The following CCNJL variants were observed in gnomAD, a reference collection of about 807,000 sequenced individuals.
The protein encoded by CCNJL is cyclin-J-like protein.
In CCNJL, 33 loss-of-function variants were observed where a neutral mutation model predicts 33.4. That is an observed-to-expected ratio of 0.99 (90% CI 0.75 to 1.32). CCNJL has a LOEUF of 1.32. Among genes scored for constraint, CCNJL ranks in the 40% most tolerant of loss-of-function variants. The pLI is 0.00. For synonymous variants in CCNJL, 227 were observed against 220.9 expected, an observed-to-expected ratio of 1.03 and a Z score of -0.24; for missense variants, 512 against 499.7, an observed-to-expected ratio of 1.02 and a Z score of -0.23.
chr5:160,317,306 T>C (rs545292190), upstream of CCNJL, among the ~76,000 whole-genome samples: 1 of 152,286 alleles, frequency 6.6e-6, no homozygotes, highest in East Asian at 1.9e-4. Flanking sequence ...GCCTAGGACA[T>C]TCATAAAGCT....
In CCNJL at chr5:160,321,729, C is replaced by T. The variant is rs111598199; in HGVS notation, n.207-6224G>A. ...GGCAGAGGCAGGTAGATCAGTAGTTCAAGACCAGCCTTGCCAACATGGTGA... is the reference window on the plus strand; with the variant it reads ...GGCAGAGGCAGGTAGATCAGTAGTTTAAGACCAGCCTTGCCAACATGGTGA... On this transcript the variant is annotated intron_variant and non_coding_transcript_variant, in intron 1 of 7. Coordinates refer to the CCNJL transcript ENST00000377503. 3.9e-3 allele frequency among the ~76,000 whole-genome samples: 601 copies of T among 152,254 alleles called. 4 individuals carry two copies. The highest frequency in any genetic ancestry group is 0.014 in the African/African-American group (573 of 41,524).
chr5:160,312,044 C>G, intron 1 of CCNJL, 72 bp from the exon 2 acceptor site: 1 of 975,250 alleles, frequency 1.0e-6, no homozygotes, highest in South Asian at 1.4e-5. Flanking sequence ...CCTATCCTCT[C>G]TCGCCCCTGG....
intron 5 of CCNJL, 75 bp from the exon 6 acceptor site, chr5:160,253,873 G>T: frequency 8.3e-7 from 1 of 1,208,330 alleles, no homozygotes; most frequent in Non-Finnish European, 1.1e-6. Context: ...TACCTGTCTT[G>T]CTAAGTGGGA....
At chr5:160,278,754 C>G (rs140728627) in intron 3 of CCNJL, among the ~76,000 whole-genome samples, 3 of 152,192 alleles carry the variant, frequency 2.0e-5, no homozygotes, top group Non-Finnish European at 2.9e-5. Context: ...CTGCCCCCAG[C>G]GGGCCGCGAT....
chr5:160,302,213 T>C (rs1156979375), intron 2 of CCNJL, among the ~76,000 whole-genome samples: 1 of 152,208 alleles, frequency 6.6e-6, no homozygotes, highest in Non-Finnish European at 1.5e-5. Context: ...AGTGAAATCA[T>C]GATGTATCCA....
intron 2 of CCNJL, among the ~76,000 whole-genome samples, chr5:160,308,760 AAACC>A (rs1763172970): frequency 6.6e-6 from 1 of 152,262 alleles, no homozygotes; most frequent in Non-Finnish European, 1.5e-5. Flanking sequence ...CGTCTCAAAG[AAACC>A]AACCAACCAA....
chr5:160,288,326 C>T lies in CCNJL; in HGVS notation c.67-7588G>A, dbSNP rs1317021292. ...AGTTACTATGTTTTCAGTTTGGAAA[C>T]AAACAAAAAGACTAGATACCCACTG... is the stretch of plus-strand genomic sequence containing the variant. On this transcript the variant is annotated intron_variant, in intron 2 of 5. Transcript: ENST00000257536. Among the ~76,000 whole-genome samples the T allele has an allele frequency of 2.0e-5, 3 of 152,024 alleles. No homozygotes were observed. The East Asian group carries it at 5.8e-4, about 29-fold the overall frequency.
intron 3 of CCNJL, among the ~76,000 whole-genome samples, chr5:160,260,750 A>G (rs1761291519): frequency 1.3e-5 from 2 of 152,068 alleles, no homozygotes; most frequent in African/African-American, 4.8e-5. Context: ...GTTCTTGCCT[A>G]TAAGCCTTCA....
intron 2 of CCNJL, among the ~76,000 whole-genome samples, chr5:160,303,405 C>T (rs1347865034): frequency 6.6e-6 from 1 of 151,978 alleles, no homozygotes; most frequent in Non-Finnish European, 1.5e-5. Context: ...AGGGTTTCTC[C>T]ACGTTGGCCA....
intron 2 of CCNJL, among the ~76,000 whole-genome samples, chr5:160,305,620 T>C (rs1404666469): frequency 6.6e-6 from 1 of 152,242 alleles, no homozygotes; most frequent in Non-Finnish European, 1.5e-5. Context: ...GTGTCATGGA[T>C]GACAGAACCT....
intron 2 of CCNJL, chr5:160,280,976 T>C (rs188778394): frequency 1.6e-6 from 1 of 615,980 alleles, no homozygotes; most frequent in East Asian, 2.9e-5. Flanking sequence ...AAGCCAGTCA[T>C]TCCTTCCCAT....
At chr5:160,270,668 G>A (rs1014007890) in intron 3 of CCNJL, among the ~76,000 whole-genome samples, 9 of 152,186 alleles carry the variant, frequency 5.9e-5, no homozygotes, top group Non-Finnish European at 1.0e-4. Flanking sequence ...CGCAGGTTCC[G>A]ATTATAGAAA....
chr5:160,254,178 T>C, intron 5 of CCNJL: 1 of 482,696 alleles, frequency 2.1e-6, no homozygotes, highest in Non-Finnish European at 3.6e-6. Flanking sequence ...TGCCTTCCCA[T>C]CCCCTGGCAC....
At chr5:160,287,503 C>T (rs560600425) in intron 2 of CCNJL, among the ~76,000 whole-genome samples, 2 of 152,336 alleles carry the variant, frequency 1.3e-5, no homozygotes, top group Non-Finnish European at 2.9e-5. Flanking sequence ...CATGCCTATC[C>T]TGTTTAGTTT....
intron 3 of CCNJL, among the ~76,000 whole-genome samples, chr5:160,274,225 G>A (rs1169115793): frequency 6.6e-6 from 1 of 151,984 alleles, no homozygotes; most frequent in Admixed American, 6.6e-5. Flanking sequence ...TTGGGAGGCC[G>A]AGGCAGGCAG....
intron 2 of CCNJL, among the ~76,000 whole-genome samples, chr5:160,290,480 C>G (rs193184312): frequency 6.6e-6 from 1 of 152,158 alleles, no homozygotes; most frequent in African/African-American, 2.4e-5. Context: ...GTTGGCCAGG[C>G]TGGTCTCGAA....
At chr5:160,321,749 T>C (rs1763468048) in intron 1 of CCNJL, among the ~76,000 whole-genome samples, 1 of 152,142 alleles carries the variant, frequency 6.6e-6, no homozygotes, top group Admixed American at 6.5e-5. Context: ...CTTGCCAACA[T>C]GGTGAAACCC....
intron 1 of CCNJL, among the ~76,000 whole-genome samples, chr5:160,325,422 T>A (rs1763522604): frequency 6.6e-6 from 1 of 152,150 alleles, no homozygotes; most frequent in South Asian, 2.1e-4. Flanking sequence ...TTCTGGTTCC[T>A]CAGATATTTT....
At chr5:160,287,650 A>G (rs1762452224) in intron 2 of CCNJL, among the ~76,000 whole-genome samples, 1 of 152,242 alleles carries the variant, frequency 6.6e-6, no homozygotes, top group Non-Finnish European at 1.5e-5. Flanking sequence ...GCAGCAGCGC[A>G]GTGCAGGAAG....
Sources: allele counts gnomAD v4.1 joint callset (sites outside exome capture counted in the v4.1 genomes callset), GRCh38; gene constraint gnomAD v4.1.1; transcripts MANE v1.5; gene names NCBI Gene and HGNC (gene_info 2026-07-23, HGNC 2026-07-21).